MYOM3: variants seen among roughly 807,000 people sequenced by gnomAD.
MYOM3 encodes the protein myomesin 3, also known as myomesin-3.
In MYOM3, 155 loss-of-function variants were observed where a neutral mutation model predicts 191.7. The ratio of observed to expected loss-of-function variants is 0.81; its 90% CI spans 0.71 to 0.92. MYOM3 has a LOEUF of 0.92. Among genes scored for constraint, MYOM3 ranks in the 40% least tolerant of loss-of-function variants. The probability of loss-of-function intolerance (pLI) is 0.00; values close to 1 mark genes in which losing one functional copy is unlikely to be tolerated. For missense variants in MYOM3, 1,889 were observed against 1,890.6 expected (o/e 1.00, Z 0.02); for synonymous variants, 757 against 762.9 (o/e 0.99, Z 0.13).
chr1:24,058,526 A>G (rs373575324), intron 36 of MYOM3, among the ~76,000 whole-genome samples: 61 of 152,360 alleles, frequency 4.0e-4, no homozygotes, highest in African/African-American at 1.4e-3. Context: ...GCTCAAAAAG[A>G]TAATATACAT....
chr1:24,066,948 C>A, intron 28 of MYOM3, 73 bp downstream of exon 28: 1 of 1,398,506 alleles, frequency 7.2e-7, no homozygotes, highest in South Asian at 1.3e-5. Flanking sequence ...TGGGCAGGGA[C>A]AGCAACTGGG....
chr1:24,104,793 C>A (rs1643968429), intron 5 of MYOM3, among the ~76,000 whole-genome samples: 6 of 152,182 alleles, frequency 3.9e-5, no homozygotes, highest in Admixed American at 3.3e-4. Flanking sequence ...AGTGGTCCTC[C>A]CTCCTTGGCT....
intron 24 of MYOM3, 26 bp downstream of exon 24, chr1:24,071,943 G>C (rs1190601143): frequency 6.2e-7 from 1 of 1,613,146 alleles, no homozygotes; most frequent in East Asian, 2.2e-5. Context: ...ACTGCACAAG[G>C]CTGGTAGCTT....
chr1:24,081,708 G>A lies in MYOM3; in HGVS notation c.2281-252C>T, dbSNP rs149260537. The A allele has an allele frequency of 5.2e-3, 3,016 of 584,296 alleles. 10 individuals carry two copies. The highest frequency in any genetic ancestry group is 7.2e-3 in the Non-Finnish European group (2,388 of 333,752). The allele number at this position is 584,296 out of a possible 1,614,324, so 36.2% of individuals were successfully genotyped here. A position where few individuals can be genotyped will look rare whatever the true frequency, so the allele number is the denominator to read the frequency against. ...CTCTCGAGTAGCCAGGACTACAGGCGCGTGCCACCACACTCAGCTAATTTT... is the reference window on the plus strand; with the variant it reads ...CTCTCGAGTAGCCAGGACTACAGGCACGTGCCACCACACTCAGCTAATTTT... On this transcript the variant is annotated intron_variant, in intron 18 of 36. Coordinates refer to ENST00000374434, the MANE Select transcript of MYOM3 (RefSeq NM_152372.4).
At chr1:24,099,122 G>A (rs943260954) in intron 6 of MYOM3, among the ~76,000 whole-genome samples, 10 of 152,094 alleles carry the variant, frequency 6.6e-5, no homozygotes, top group South Asian at 2.1e-4. Context: ...TTATATTCCC[G>A]TGTGGCCTCC....
chr1:24,081,710 G>A (rs1332443603), intron 18 of MYOM3: 6 of 582,468 alleles, frequency 1.0e-5, no homozygotes, highest in African/African-American at 7.5e-5. Context: ...CTACAGGCGC[G>A]TGCCACCACA....
rs780404021 is a variant in MYOM3, at chr1:24,066,082, A to G, written c.3424-81T>C. 3.4e-6 allele frequency: 3 copies of G among 887,242 alleles called. No individual in the cohort carries two copies. The South Asian group carries it at 3.9e-5, about 12-fold the overall frequency. The allele number at this position is 887,242 out of a possible 1,614,324, so 55.0% of individuals were successfully genotyped here. On this transcript the variant is annotated intron_variant, in intron 28 of 36. Transcript: ENST00000374434. ...AACACACCTGTGCACACTTTCAGGC[A>G]TCTCAGTGGAGTCCTTTCACATACC...
chr1:24,084,635 G>A lies in MYOM3; in HGVS notation c.1803C>T (p.Thr601=). ...CTTGAACTTGAGCTGGAGGAGGGAG[G>A]GTAGCTAAAAAATAGAAACATGGGC... is the stretch of plus-strand genomic sequence containing the variant. ...EPIALRGPPA[T]LPPPAQVQAF... The change falls in exon 16 of 37, where the codon ACC becomes ACT. Residue 601 remains threonine, a synonymous_variant. Coordinates refer to ENST00000374434, the MANE Select transcript of MYOM3 (RefSeq NM_152372.4). 6.2e-7 allele frequency: 1 copy of A among 1,608,742 alleles called. No homozygotes were observed. Among genetic ancestry groups the A allele is most frequent in the South Asian group, 1.1e-5 (1 of 90,494 alleles).
At chr1:24,105,874 T>A (rs751637444) in intron 5 of MYOM3, 46 bp downstream of exon 5, 1 of 1,546,036 alleles carries the variant, frequency 6.5e-7, no homozygotes, top group African/African-American at 1.4e-5. Context: ...AGGAACTCAC[T>A]TGTGACCCCA....
chr1:24,059,372 C>T (rs981856097), intron 35 of MYOM3, among the ~76,000 whole-genome samples: 1 of 152,222 alleles, frequency 6.6e-6, no homozygotes, highest in Non-Finnish European at 1.5e-5. Flanking sequence ...TGGGCTCAAG[C>T]AATCCTCCTG....
intron 17 of MYOM3, 43 bp downstream of exon 17, chr1:24,082,550 C>A: frequency 6.6e-7 from 1 of 1,525,686 alleles, no homozygotes; most frequent in African/African-American, 1.4e-5. Flanking sequence ...GCTCCCTGCC[C>A]AGCCCAGGGA....
intron 33 of MYOM3, among the ~76,000 whole-genome samples, 161 bp from the exon 34 acceptor site, chr1:24,061,470 G>A (rs1643369019): frequency 6.6e-6 from 1 of 152,054 alleles, no homozygotes; most frequent in Non-Finnish European, 1.5e-5. Context: ...TGGGAGGGTA[G>A]GCGTACCCTC....
At chr1:24,071,377 G>A (rs1182514825) in intron 24 of MYOM3, 124 bp from the exon 25 acceptor site, 2 of 1,144,222 alleles carry the variant, frequency 1.7e-6, no homozygotes, top group African/African-American at 1.6e-5. Flanking sequence ...ACCTGAAGGA[G>A]ACTGTACTGG....
chr1:24,099,300 G>A (rs1438788253), intron 6 of MYOM3, among the ~76,000 whole-genome samples: 1 of 152,138 alleles, frequency 6.6e-6, no homozygotes, highest in East Asian at 1.9e-4. Context: ...GTGTGCACAG[G>A]TGCATATGTG....
chr1:24,060,681 G>A (rs1643359512), intron 35 of MYOM3, among the ~76,000 whole-genome samples: 1 of 152,108 alleles, frequency 6.6e-6, no homozygotes, highest in African/African-American at 2.4e-5. Context: ...CTGGGTTTGG[G>A]GCTTCATCCT....
intron 15 of MYOM3, among the ~76,000 whole-genome samples, chr1:24,086,112 C>A (rs1643735244): frequency 6.6e-6 from 1 of 152,026 alleles, no homozygotes; most frequent in Admixed American, 6.6e-5. Flanking sequence ...CAGGAAGGAG[C>A]CAGAGGTGGG....
At position 24,090,823 on chromosome 1, in the gene MYOM3, T is replaced by G; in HGVS notation, c.1406A>C (p.Asp469Ala). Reference protein sequence around the residue: ...SKASELVVMGDHDAARRKTEI... With the variant: ...SKASELVVMGAHDAARRKTEI... ...TGTCTTCCTCCGGGCTGCATCATGG[T>G]CACCCATGACAACCAACTCTGAGGC... The change falls in exon 12 of 37, where the codon GAC becomes GCC. Residue 469 changes from aspartate (D) to alanine (A), a missense_variant. Transcript: ENST00000374434. 6.2e-7 allele frequency: 1 copy of G among 1,614,082 alleles called. No homozygotes were observed. The highest frequency in any genetic ancestry group is 8.5e-7 in the Non-Finnish European group (1 of 1,179,996).
chr1:24,072,191 C>A (rs572716330), intron 23 of MYOM3, among the ~76,000 whole-genome samples, 178 bp from the exon 24 acceptor site: 1 of 152,318 alleles, frequency 6.6e-6, no homozygotes, highest in East Asian at 1.9e-4. Context: ...TGAGCCTTTG[C>A]CCTGGGGCAC....
At chr1:24,066,315 C>A in intron 28 of MYOM3, 1 of 684,882 alleles carries the variant, frequency 1.5e-6, no homozygotes, top group Admixed American at 2.1e-5. Flanking sequence ...CCGGGTCAAG[C>A]ATGAGGGATG....
Sources: allele counts gnomAD v4.1 joint callset (sites outside exome capture counted in the v4.1 genomes callset), GRCh38; gene constraint gnomAD v4.1.1; transcripts MANE v1.5; gene names NCBI Gene and HGNC (gene_info 2026-07-23, HGNC 2026-07-21).